Variants in VEGFC observed in about 807,000 individuals in gnomAD.
VEGFC encodes the protein vascular endothelial growth factor C.
VEGFC carries 12 observed loss-of-function variants against 46.1 expected under a neutral mutation model. That is an observed-to-expected ratio of 0.26 (90% CI 0.17 to 0.42). VEGFC has a LOEUF of 0.42. VEGFC is among the 10% of genes least tolerant of loss of function. The probability of loss-of-function intolerance (pLI) is 1.00; values close to 1 mark genes in which losing one functional copy is unlikely to be tolerated. For synonymous variants in VEGFC, 232 were observed against 195.5 expected, an observed-to-expected ratio of 1.19 and a Z score of -1.56; for missense variants, 488 against 529.4, an observed-to-expected ratio of 0.92 and a Z score of 0.77.
chr4:176,790,578 C>A (rs369381185), intron 1 of VEGFC, among the ~76,000 whole-genome samples: 1 of 152,216 alleles, frequency 6.6e-6, no homozygotes, highest in East Asian at 1.9e-4. Flanking sequence ...TAGACTCACC[C>A]AGCAGTGAGT....
chr4:176,711,396 T>A, intron 4 of VEGFC, 103 bp downstream of exon 4: 1 of 1,319,878 alleles, frequency 7.6e-7, no homozygotes, highest in South Asian at 1.7e-5. Flanking sequence ...GCAGAGTATA[T>A]TACAGTAAAT....
chr4:176,779,805 T>C (rs1004331623), intron 1 of VEGFC, among the ~76,000 whole-genome samples: 1 of 151,992 alleles, frequency 6.6e-6, no homozygotes, highest in South Asian at 2.1e-4. Flanking sequence ...ACGTTAGGCT[T>C]AGAAAACCAG....
intron 1 of VEGFC, among the ~76,000 whole-genome samples, chr4:176,742,761 T>C (rs1735197448): frequency 6.6e-6 from 1 of 152,028 alleles, no homozygotes; most frequent in Non-Finnish European, 1.5e-5. Context: ...GTTGTAAAAT[T>C]GCAAAAGTCA....
chr4:176,724,954 G>A (rs545065063), intron 3 of VEGFC, among the ~76,000 whole-genome samples: 2 of 152,086 alleles, frequency 1.3e-5, no homozygotes, highest in Non-Finnish European at 2.9e-5. Context: ...TGGTTGAGGG[G>A]TACAAAAGCA....
At chr4:176,686,024 T>C (rs1453180952) in intron 6 of VEGFC, among the ~76,000 whole-genome samples, 2 of 152,178 alleles carry the variant, frequency 1.3e-5, no homozygotes, top group Non-Finnish European at 2.9e-5. Context: ...AATACAAGCT[T>C]TTTTCTGTTA....
At chr4:176,740,982 C>T (rs1201164178) in intron 1 of VEGFC, among the ~76,000 whole-genome samples, 1 of 151,744 alleles carries the variant, frequency 6.6e-6, no homozygotes, top group Non-Finnish European at 1.5e-5. Flanking sequence ...GAAAGTTAAA[C>T]CAAAAAGAGG....
intron 1 of VEGFC, among the ~76,000 whole-genome samples, chr4:176,766,009 G>GA (rs936297688): frequency 5.5e-4 from 82 of 150,002 alleles, no homozygotes; most frequent in Admixed American, 8.0e-4. Context: ...ACTATACACA[G>GA]AAAAAAAAAG....
intron 6 of VEGFC, among the ~76,000 whole-genome samples, chr4:176,685,788 A>T (rs1432913664): frequency 1.3e-5 from 2 of 152,140 alleles, no homozygotes; most frequent in Non-Finnish European, 2.9e-5. Context: ...TCAAAATAAA[A>T]TTATACCTAT....
chr4:176,706,437 G>A (rs151077198), intron 4 of VEGFC, among the ~76,000 whole-genome samples: 2,812 of 151,878 alleles, frequency 0.019, 79 homozygotes, highest in African/African-American at 0.064. Context: ...GACCAGCCTG[G>A]CCAGAATGGT....
At chr4:176,762,946 A>G (rs1202670672) in intron 1 of VEGFC, among the ~76,000 whole-genome samples, 1 of 152,228 alleles carries the variant, frequency 6.6e-6, no homozygotes, top group East Asian at 1.9e-4. Context: ...ATATAAGGGC[A>G]AACTAGAAAA....
chr4:176,695,816 TG>T (rs1263261149), intron 4 of VEGFC, among the ~76,000 whole-genome samples: 1 of 152,190 alleles, frequency 6.6e-6, no homozygotes, highest in Non-Finnish European at 1.5e-5. Flanking sequence ...GATGCAAGAC[TG>T]GTTCAATATA....
intron 2 of VEGFC, among the ~76,000 whole-genome samples, chr4:176,728,997 A>G (rs1235642826): frequency 6.6e-6 from 1 of 152,152 alleles, no homozygotes; most frequent in Non-Finnish European, 1.5e-5. Flanking sequence ...CTCTGTGCCC[A>G]GTCATACCCC....
intron 1 of VEGFC, among the ~76,000 whole-genome samples, chr4:176,758,278 A>C (rs1448230562): frequency 2.0e-5 from 3 of 152,124 alleles, no homozygotes; most frequent in African/African-American, 7.2e-5. Context: ...TGAAGAACAA[A>C]TAAGTTAATT....
intron 4 of VEGFC, among the ~76,000 whole-genome samples, chr4:176,708,554 A>C (rs2110996163): frequency 6.6e-6 from 1 of 152,276 alleles, no homozygotes; most frequent in Middle Eastern, 3.4e-3. Flanking sequence ...AGAAAGCTTG[A>C]GCAGCACCAT....
At chr4:176,724,705 C>T (rs544808732) in intron 3 of VEGFC, among the ~76,000 whole-genome samples, 2 of 152,122 alleles carry the variant, frequency 1.3e-5, no homozygotes, top group African/African-American at 2.4e-5. Context: ...CACGATGATG[C>T]CCAGGAATTG....
rs187738520 is a variant in VEGFC, at chr4:176,713,609, G to A, written c.553-1959C>T. ...TCACATATGTGTGTCTAGAGTTTAG[G>A]AGAGCCATTGAAAAGTCATGAACAT... On this transcript the variant is annotated intron_variant, in intron 3 of 6. Transcript: ENST00000618562. Among the ~76,000 whole-genome samples the A allele has an allele frequency of 5.0e-3, 756 of 152,216 alleles. 3 individuals are homozygous for A. The highest frequency in any genetic ancestry group is 7.1e-3 in the Non-Finnish European group (483 of 67,998).
chr4:176,754,086 G>C (rs1436726374), intron 1 of VEGFC, among the ~76,000 whole-genome samples: 1 of 152,040 alleles, frequency 6.6e-6, no homozygotes, highest in South Asian at 2.1e-4. Flanking sequence ...AGGTTAAATA[G>C]AGAGTAATTA....
intron 1 of VEGFC, among the ~76,000 whole-genome samples, chr4:176,764,749 G>A (rs10019742): frequency 0.83 from 125,165 of 151,704 alleles, 53,198 homozygotes; most frequent in East Asian, 1. Context: ...TCTGCCTTTT[G>A]GCTGATTACC....
chr4:176,780,390 A>AAAAAAAACAAACAAC (rs934997474), intron 1 of VEGFC, among the ~76,000 whole-genome samples: 4 of 150,524 alleles, frequency 2.7e-5, no homozygotes, highest in Non-Finnish European at 4.4e-5. Flanking sequence ...TCAAAAAAAA[A>AAAAAAAACAAACAAC]AAAAAAAAAC....
Sources: gnomAD v4.1 joint callset for allele counts (sites outside exome capture counted in the v4.1 genomes callset) on GRCh38, gnomAD v4.1.1 for gene constraint, MANE v1.5 for transcripts, NCBI Gene and HGNC (gene_info 2026-07-23, HGNC 2026-07-21) for gene names.